NOS1: variants seen among roughly 807,000 people sequenced by gnomAD.
NOS1 encodes nitric oxide synthase 1, also known as NOS type I.
In NOS1, 51 loss-of-function variants were observed where a neutral mutation model predicts 164.5. That is an observed-to-expected ratio of 0.31 (90% CI 0.25 to 0.39). The LOEUF is 0.39. Ranked by LOEUF, NOS1 falls within the 10% of genes least tolerant of loss-of-function variation. The pLI is 1.00. For missense variants in NOS1, 1,362 were observed against 1,885.6 expected (o/e 0.72, Z 5.14); for synonymous variants, 719 against 745.8 (o/e 0.96, Z 0.59).
Position 117,208,363 on chromosome 12 carries a change from G to C in NOS1, c.*6946C>G. 7.9e-7 allele frequency: 1 copy of C among 1,264,032 alleles called. No individual in the cohort carries two copies. The highest frequency in any genetic ancestry group is 1.0e-6 in the Non-Finnish European group (1 of 982,396). 78.3% of individuals were successfully genotyped at this position (1,264,032 alleles called of 1,614,324 possible). A position where few individuals can be genotyped will look rare whatever the true frequency, so the allele number is the denominator to read the frequency against. ...GATTAGCAGCATTGAGAGCTCAGAG[G>C]TAGGGGGGACGGCCGAGTTTCTGAC... On this transcript the variant is annotated 3_prime_UTR_variant, in exon 29 of 29. Coordinates refer to ENST00000317775, the MANE Select transcript of NOS1 (RefSeq NM_000620.5).
chr12:117,219,108 A>T (rs1956658153), intron 27 of NOS1, among the ~76,000 whole-genome samples: 1 of 151,294 alleles, frequency 6.6e-6, no homozygotes, highest in South Asian at 2.1e-4. Flanking sequence ...CCTCCTGAGC[A>T]GCTGGGACTA....
intron 3 of NOS1, among the ~76,000 whole-genome samples, chr12:117,303,104 C>G (rs991260783): frequency 6.6e-6 from 1 of 152,212 alleles, no homozygotes; most frequent in South Asian, 2.1e-4. Flanking sequence ...AGAAGGCTTC[C>G]TGGTGAGCAT....
At chr12:117,344,502 T>C (rs370517202) in intron 1 of NOS1, among the ~76,000 whole-genome samples, 3 of 152,362 alleles carry the variant, frequency 2.0e-5, no homozygotes, top group Admixed American at 1.3e-4. Flanking sequence ...ATTCCCATTT[T>C]ATAGATGTTA....
At chr12:117,327,435 G>C (rs886077094) in intron 2 of NOS1, among the ~76,000 whole-genome samples, 1 of 152,318 alleles carries the variant, frequency 6.6e-6, no homozygotes, top group East Asian at 1.9e-4. Flanking sequence ...GGACTACTGG[G>C]AGACACAGCA....
intron 1 of NOS1, among the ~76,000 whole-genome samples, chr12:117,358,488 A>G (rs993330987): frequency 1.2e-4 from 18 of 152,226 alleles, no homozygotes; most frequent in African/African-American, 4.3e-4. Flanking sequence ...AAATGGCTCC[A>G]TGGGACACTC....
chr12:117,327,239 GAGGGAGCACTGAGGGAC>G (rs539222315), intron 2 of NOS1, among the ~76,000 whole-genome samples: 333 of 152,296 alleles, frequency 2.2e-3, no homozygotes, highest in African/African-American at 7.5e-3. Flanking sequence ...CTTCTCAGGA[GAGGGAGCACTGAGGGAC>G]AGGGAGCACT....
chr12:117,345,936 C>A (rs1261120381), intron 1 of NOS1, among the ~76,000 whole-genome samples: 1 of 152,256 alleles, frequency 6.6e-6, no homozygotes, highest in Non-Finnish European at 1.5e-5. Context: ...GAATCAGGGT[C>A]TCAATCTCTA....
chr12:117,234,733 G>A lies in NOS1; in HGVS notation c.3067C>T (p.His1023Tyr). 3 of 1,613,198 alleles carry A rather than the reference G, an allele frequency of 1.9e-6. No individual in the cohort carries two copies. Among genetic ancestry groups the A allele is most frequent in the Admixed American group, 3.3e-5 (2 of 59,978 alleles). ...TGCAGCTCCTGGCTCCCGTTGGTGT[G>A]GAGACGCACGAAGATAGTTGACCGA... ...SSRSTIFVRL[H>Y]TNGSQELQYQ... The change falls in exon 21 of 29, where the codon CAC becomes TAC. Residue 1023 changes from histidine to tyrosine, a missense_variant. His to Tyr is a moderately conservative substitution (Grantham distance 83). Transcript: ENST00000317775. The surrounding 1 kb of genome is among the most constrained non-coding windows in gnomAD (Gnocchi z 4.3).
At chr12:117,262,300 G>A (rs895281671) in intron 13 of NOS1, among the ~76,000 whole-genome samples, 6 of 151,932 alleles carry the variant, frequency 3.9e-5, no homozygotes, top group Non-Finnish European at 7.4e-5. Flanking sequence ...GAGCTGAACT[G>A]AAGCCAACAA....
rs898165491 is a variant in NOS1, at chr12:117,214,505, T to C, written c.*804A>G. 1 of 985,354 alleles carries C rather than the reference T, an allele frequency of 1.0e-6. No individual in the cohort carries two copies. Among genetic ancestry groups the C allele is most frequent in the East Asian group, 1.1e-4 (1 of 8,804 alleles). The allele number at this position is 985,354 out of a possible 1,614,324, so 61.0% of individuals were successfully genotyped here. A position where few individuals can be genotyped will look rare whatever the true frequency, so the allele number is the denominator to read the frequency against. On this transcript the variant is annotated 3_prime_UTR_variant, in exon 29 of 29. Coordinates refer to ENST00000317775, the MANE Select transcript of NOS1 (RefSeq NM_000620.5). ...TTGGGGAGGGGATTTGCACAATCCA[T>C]TGGATGGGTTCATGTCACATGAGGG...
At chr12:117,235,734 T>C (rs942391181) in intron 20 of NOS1, among the ~76,000 whole-genome samples, 1 of 152,220 alleles carries the variant, frequency 6.6e-6, no homozygotes, top group Non-Finnish European at 1.5e-5. Flanking sequence ...ATGTGATTAT[T>C]CTGGTCCTTT....
intron 20 of NOS1, 99 bp downstream of exon 20, chr12:117,242,528 G>A (rs1363257962): frequency 4.1e-6 from 4 of 979,526 alleles, no homozygotes; most frequent in Non-Finnish European, 6.6e-6. Context: ...TGCAATGATT[G>A]GAGAACAGCC....
At chr12:117,346,636 C>T (rs983775739) in intron 1 of NOS1, among the ~76,000 whole-genome samples, 2 of 152,180 alleles carry the variant, frequency 1.3e-5, no homozygotes, top group Admixed American at 6.5e-5. Flanking sequence ...GGGAGCATGT[C>T]AGCAATGCAG....
intron 8 of NOS1, among the ~76,000 whole-genome samples, chr12:117,278,839 C>T (rs913639490): frequency 6.7e-6 from 1 of 148,856 alleles, no homozygotes; most frequent in South Asian, 2.1e-4. Context: ...TTAAATATTA[C>T]TATCATATAT....
chr12:117,256,502 TC>T (rs1352373199), intron 16 of NOS1, among the ~76,000 whole-genome samples: 1 of 151,584 alleles, frequency 6.6e-6, no homozygotes, highest in African/African-American at 2.4e-5. Flanking sequence ...GGTCTCGAAC[TC>T]CTGACCTTAG....
rs1870346868 is a variant in NOS1, at chr12:117,243,421, G to C, written c.2838C>G (p.Val946=). ...TGTTGACATCATCTCCCACACAGAA[G>C]ACATCACAGGCTGCCTGTGGTGTAC... is the stretch of plus-strand genomic sequence containing the variant. ...AKKVFKAACD[V]FCVGDDVNIE... The change falls in exon 19 of 29, where the codon GTC becomes GTG. Residue 946 remains valine (V), a synonymous_variant. Coordinates refer to ENST00000317775, the MANE Select transcript of NOS1 (RefSeq NM_000620.5). The surrounding 1 kb of genome is among the most constrained non-coding windows in gnomAD (Gnocchi z 4.3). 6.2e-7 allele frequency: 1 copy of C among 1,613,964 alleles called. No homozygotes were observed. Among genetic ancestry groups the C allele is most frequent in the Non-Finnish European group, 8.5e-7 (1 of 1,180,012 alleles).
chr12:117,332,523 T>G (rs1250973110), intron 1 of NOS1, among the ~76,000 whole-genome samples: 1 of 152,082 alleles, frequency 6.6e-6, no homozygotes, highest in African/African-American at 2.4e-5. Context: ...GCCCAGGAGT[T>G]TGAGACCAGC....
intron 26 of NOS1, among the ~76,000 whole-genome samples, chr12:117,221,432 T>C (rs1318195618): frequency 1.3e-5 from 2 of 150,876 alleles, no homozygotes; most frequent in Admixed American, 1.3e-4. Flanking sequence ...TACAAGAATG[T>C]GCCACCGCGC....
intron 19 of NOS1, 101 bp from the exon 20 acceptor site, chr12:117,242,806 C>G (rs1351215405): frequency 2.0e-6 from 2 of 990,314 alleles, no homozygotes; most frequent in Non-Finnish European, 1.6e-6. Context: ...ATCCCAACTA[C>G]TTAGGAGGCT....
Sources: allele counts gnomAD v4.1 joint callset (sites outside exome capture counted in the v4.1 genomes callset), GRCh38; gene constraint gnomAD v4.1.1; non-coding constraint Gnocchi (gnomAD v3.1); transcripts MANE v1.5; gene names NCBI Gene and HGNC (gene_info 2026-07-23, HGNC 2026-07-21).